Variants in ZFPM2 observed in about 807,000 individuals in gnomAD.
The protein encoded by ZFPM2 is zinc finger protein, FOG family member 2.
In ZFPM2, 20 loss-of-function variants were observed where a neutral mutation model predicts 98.6. That is an observed-to-expected ratio of 0.20 (90% CI 0.14 to 0.29). The LOEUF (loss-of-function observed/expected upper bound fraction) is 0.29. Among genes scored for constraint, ZFPM2 ranks in the 10% least tolerant of loss-of-function variants. ZFPM2 has a pLI of 1.00. For missense variants in ZFPM2, 1,310 were observed against 1,388.6 expected (o/e 0.94, Z 0.90); for synonymous variants, 518 against 502.7 (o/e 1.03, Z -0.41).
chr8:105,442,841 T>G (rs2130204933), intron 2 of ZFPM2, among the ~76,000 whole-genome samples: 1 of 152,224 alleles, frequency 6.6e-6, no homozygotes, highest in South Asian at 2.1e-4. Flanking sequence ...ATCGTAATCA[T>G]GATTTCCTGA....
chr8:105,610,901 G>A (rs1816296398), intron 4 of ZFPM2, among the ~76,000 whole-genome samples: 2 of 152,192 alleles, frequency 1.3e-5, no homozygotes. Context: ...AGTGACAAGT[G>A]ATATGTAGGG....
chr8:105,380,326 G>A (rs960048186), intron 1 of ZFPM2, among the ~76,000 whole-genome samples: 1 of 151,500 alleles, frequency 6.6e-6, no homozygotes, highest in African/African-American at 2.4e-5. Flanking sequence ...TACTCTGTAG[G>A]AATGATGACC....
chr8:105,557,748 G>A (rs1440537441), intron 3 of ZFPM2, among the ~76,000 whole-genome samples: 4 of 152,038 alleles, frequency 2.6e-5, no homozygotes, highest in Non-Finnish European at 5.9e-5. Context: ...AGGCATAAAG[G>A]AATAAATAAA....
chr8:105,764,287 G>GACAC (rs59943408), intron 5 of ZFPM2, among the ~76,000 whole-genome samples: 10,724 of 139,440 alleles, frequency 0.077, 461 homozygotes, highest in Non-Finnish European at 0.1. Flanking sequence ...CTCTCTCTCT[G>GACAC]ACACACACAC....
At chr8:105,424,665 A>G (rs1277459409) in intron 2 of ZFPM2, among the ~76,000 whole-genome samples, 3 of 152,096 alleles carry the variant, frequency 2.0e-5, no homozygotes, top group African/African-American at 7.2e-5. Context: ...ATAAGTAATT[A>G]ATACCAATTG....
At chr8:105,749,528 A>G (rs534791560) in intron 5 of ZFPM2, among the ~76,000 whole-genome samples, 2 of 152,186 alleles carry the variant, frequency 1.3e-5, no homozygotes, top group South Asian at 2.1e-4. Context: ...CGTACTTTGC[A>G]GGACACTTTC....
intron 4 of ZFPM2, among the ~76,000 whole-genome samples, chr8:105,618,852 A>G (rs1202505592): frequency 6.6e-6 from 1 of 152,160 alleles, no homozygotes; most frequent in African/African-American, 2.4e-5. Context: ...TTTACTATTA[A>G]TGAATAAGGC....
intron 1 of ZFPM2, among the ~76,000 whole-genome samples, chr8:105,344,105 C>T (rs577752788): frequency 1.7e-4 from 26 of 152,210 alleles, no homozygotes; most frequent in African/African-American, 4.6e-4. Flanking sequence ...TTCACTATCA[C>T]GAGAACAGTA....
chr8:105,470,334 G>A (rs1307720112), intron 3 of ZFPM2, among the ~76,000 whole-genome samples: 1 of 152,080 alleles, frequency 6.6e-6, no homozygotes, highest in Non-Finnish European at 1.5e-5. Flanking sequence ...TAATTTTGTT[G>A]TGCCTCAGTA....
chr8:105,511,148 T>A (rs991271814), intron 3 of ZFPM2, among the ~76,000 whole-genome samples: 1 of 152,222 alleles, frequency 6.6e-6, no homozygotes, highest in African/African-American at 2.4e-5. Flanking sequence ...CAGACTGGCA[T>A]GTAGGAAGTC....
intron 3 of ZFPM2, among the ~76,000 whole-genome samples, chr8:105,548,227 G>A (rs1814758362): frequency 6.6e-6 from 1 of 151,960 alleles, no homozygotes; most frequent in Non-Finnish European, 1.5e-5. Context: ...CTTTAGTGCT[G>A]GAGGCGATAA....
At chr8:105,663,700 A>G (rs1445750600) in intron 5 of ZFPM2, among the ~76,000 whole-genome samples, 1 of 152,226 alleles carries the variant, frequency 6.6e-6, no homozygotes, top group Non-Finnish European at 1.5e-5. Flanking sequence ...ATTTTACACA[A>G]AAGAAATCTG....
At chr8:105,381,379 T>G (rs1001378733) in intron 1 of ZFPM2, among the ~76,000 whole-genome samples, 1 of 152,084 alleles carries the variant, frequency 6.6e-6, no homozygotes, top group African/African-American at 2.4e-5. Flanking sequence ...CGTCACTTCA[T>G]TCTTCTTGAT....
rs375259953 is a variant in ZFPM2, at chr8:105,550,867, AAC to A, written c.302-10492_302-10491del. Among the ~76,000 whole-genome samples, 47 of 152,290 alleles carry A rather than the reference AAC, an allele frequency of 3.1e-4. 1 individual carries two copies. The highest frequency in any genetic ancestry group is 2.9e-3 in the East Asian group (15 of 5,164). ...AAGACTGAGTATGTACTGCACTGAA[AAC>A]ACAGAGTGTCAAGGAGTCTGCTTTT... On this transcript the variant is annotated intron_variant, in intron 3 of 7. Transcript: ENST00000407775.
intron 1 of ZFPM2, among the ~76,000 whole-genome samples, chr8:105,390,318 A>T (rs1017930567): frequency 6.6e-6 from 1 of 152,212 alleles, no homozygotes; most frequent in Admixed American, 6.5e-5. Flanking sequence ...GGGTATACTT[A>T]TGACAGTACT....
chr8:105,487,924 A>G (rs1318466982), intron 3 of ZFPM2, among the ~76,000 whole-genome samples: 4 of 106,144 alleles, frequency 3.8e-5, no homozygotes, highest in South Asian at 3.4e-4. Flanking sequence ...CTATCTATCT[A>G]TCTATCTAGC....
intron 1 of ZFPM2, among the ~76,000 whole-genome samples, chr8:105,346,594 C>T (rs1253774846): frequency 2.6e-5 from 4 of 152,128 alleles, no homozygotes; most frequent in African/African-American, 9.7e-5. Flanking sequence ...GGAAAACTTT[C>T]ATTGAGAGCC....
chr8:105,444,965 AAC>A (rs1184691461), intron 3 of ZFPM2, among the ~76,000 whole-genome samples: 2 of 152,200 alleles, frequency 1.3e-5, no homozygotes, highest in African/African-American at 4.8e-5. Flanking sequence ...GTAAATATAT[AAC>A]AGTCAAAAGA....
intron 1 of ZFPM2, among the ~76,000 whole-genome samples, chr8:105,360,646 C>G (rs1256024132): frequency 7.2e-6 from 1 of 138,854 alleles, no homozygotes; most frequent in Non-Finnish European, 1.6e-5. Context: ...ACAACAGTCC[C>G]CAGAGTGTGA....
Sources: gnomAD v4.1 joint callset for allele counts (sites outside exome capture counted in the v4.1 genomes callset) on GRCh38, gnomAD v4.1.1 for gene constraint, MANE v1.5 for transcripts, NCBI Gene and HGNC (gene_info 2026-07-23, HGNC 2026-07-21) for gene names.